ZMAT4: variants seen among roughly 807,000 people sequenced by gnomAD.
ZMAT4 encodes zinc finger matrin-type protein 4.
In ZMAT4, 17 loss-of-function variants were observed where a neutral mutation model predicts 28.7. The observed-to-expected ratio is 0.59, with a 90% CI of 0.41 to 0.89. The LOEUF (loss-of-function observed/expected upper bound fraction) is 0.89, where lower values mean the gene tolerates loss of function less well. Ranked by LOEUF, ZMAT4 falls within the 40% of genes least tolerant of loss-of-function variation. ZMAT4 has a pLI of 0.00. For missense variants in ZMAT4, 240 were observed against 283.8 expected (o/e 0.85, Z 1.11); for synonymous variants, 117 against 109.2 (o/e 1.07, Z -0.44).
intron 5 of ZMAT4, among the ~76,000 whole-genome samples, chr8:40,609,148 C>T (rs1805705205): frequency 6.6e-6 from 1 of 152,072 alleles, no homozygotes; most frequent in African/African-American, 2.4e-5. Context: ...CATACTTTAG[C>T]AAAATTCTAT....
intron 6 of ZMAT4, among the ~76,000 whole-genome samples, chr8:40,550,365 A>G (rs937412065): frequency 2.6e-5 from 4 of 152,226 alleles, no homozygotes; most frequent in African/African-American, 9.6e-5. Flanking sequence ...AGATCCTTCC[A>G]CATTTCTCTC....
chr8:40,642,667 G>A (rs931253702), intron 5 of ZMAT4, among the ~76,000 whole-genome samples: 2 of 152,202 alleles, frequency 1.3e-5, no homozygotes, highest in African/African-American at 4.8e-5. Flanking sequence ...ATCTGCTAGA[G>A]GAGGGCTATT....
At chr8:40,746,765 T>C (rs1229467282) in intron 3 of ZMAT4, among the ~76,000 whole-genome samples, 1 of 152,216 alleles carries the variant, frequency 6.6e-6, no homozygotes, top group Non-Finnish European at 1.5e-5. Context: ...TCCTACCATA[T>C]TGGTCATGCT....
chr8:40,612,343 C>A (rs1322450949), intron 5 of ZMAT4, among the ~76,000 whole-genome samples: 1 of 137,580 alleles, frequency 7.3e-6, no homozygotes, highest in East Asian at 1.9e-4. Flanking sequence ...GCAGGAAATG[C>A]AGGTTCTATG....
At chr8:40,579,514 C>T (rs867451363) in intron 6 of ZMAT4, among the ~76,000 whole-genome samples, 18 of 152,190 alleles carry the variant, frequency 1.2e-4, no homozygotes, top group Admixed American at 3.3e-4. Context: ...GTCCTCTGGG[C>T]GGACCAGAGT....
At chr8:40,618,963 C>A (rs371006752) in intron 5 of ZMAT4, among the ~76,000 whole-genome samples, 1 of 152,124 alleles carries the variant, frequency 6.6e-6, no homozygotes, top group Non-Finnish European at 1.5e-5. Flanking sequence ...GTTTGCAGTC[C>A]ATGAATAAAG....
chr8:40,861,630 G>C lies in ZMAT4; in HGVS notation c.-4-35950C>G, dbSNP rs541872303. 4.9e-4 allele frequency among the ~76,000 whole-genome samples: 75 copies of C among 152,250 alleles called. 1 individual carries two copies. The highest frequency in any genetic ancestry group is 1.8e-3 in the African/African-American group (74 of 41,542). ...AAGAAACTACCATCAGAGTGAACAG[G>C]CAGCCTACAGAATGGGAGAAAGTTT... On this transcript the variant is annotated intron_variant, in intron 1 of 6. Transcript: ENST00000297737.
chr8:40,539,092 C>T (rs1236053062), intron 6 of ZMAT4, among the ~76,000 whole-genome samples: 2 of 152,134 alleles, frequency 1.3e-5, no homozygotes, highest in Non-Finnish European at 2.9e-5. Context: ...CCTTTTATTG[C>T]ATTTTTCTAA....
chr8:40,631,502 A>T (rs1398381498), intron 5 of ZMAT4, among the ~76,000 whole-genome samples: 1 of 100,016 alleles, frequency 1.0e-5, no homozygotes, highest in Non-Finnish European at 2.5e-5. Context: ...GTAGACACTA[A>T]GGCTTAGAAA....
Position 40,639,670 on chromosome 8 carries a change from G to A in ZMAT4, c.577+35034C>T, listed in dbSNP as rs370102653. ...CACACTCAAGAACACGCACAATGAA[G>A]TTACAGAGAACCTGTATCTGAGTTC... On this transcript the variant is annotated intron_variant, in intron 5 of 6. Transcript: ENST00000297737. Among the ~76,000 whole-genome samples the A allele has an allele frequency of 8.2e-5, 12 of 146,916 alleles. 1 individual carries two copies. Among genetic ancestry groups the A allele is most frequent in the African/African-American group, 3.0e-4 (12 of 39,624 alleles).
intron 3 of ZMAT4, among the ~76,000 whole-genome samples, chr8:40,704,318 G>A (rs1270795002): frequency 6.6e-6 from 1 of 152,180 alleles, no homozygotes; most frequent in African/African-American, 2.4e-5. Flanking sequence ...CCTGGGTAAC[G>A]TTATCTCCCA....
intron 6 of ZMAT4, among the ~76,000 whole-genome samples, chr8:40,557,843 A>C (rs1457823094): frequency 6.6e-6 from 1 of 152,200 alleles, no homozygotes; most frequent in African/African-American, 2.4e-5. Flanking sequence ...TAGATGATAG[A>C]TGGATAGATG....
intron 5 of ZMAT4, among the ~76,000 whole-genome samples, chr8:40,671,237 A>C (rs1808653131): frequency 6.6e-6 from 1 of 152,188 alleles, no homozygotes; most frequent in African/African-American, 2.4e-5. Context: ...TGAAGTGCAA[A>C]GTAACGCAAC....
intron 3 of ZMAT4, among the ~76,000 whole-genome samples, chr8:40,719,367 T>C (rs1285543233): frequency 6.6e-6 from 1 of 152,026 alleles, no homozygotes; most frequent in Non-Finnish European, 1.5e-5. Flanking sequence ...GCTTGAACCT[T>C]GGGGTCGGAG....
At chr8:40,817,013 A>G (rs1272716507) in intron 2 of ZMAT4, among the ~76,000 whole-genome samples, 1 of 152,220 alleles carries the variant, frequency 6.6e-6, no homozygotes, top group African/African-American at 2.4e-5. Context: ...GCAAAAATCA[A>G]ATGAAGGGCA....
chr8:40,717,811 G>C (rs1174483328), intron 3 of ZMAT4, among the ~76,000 whole-genome samples: 1 of 152,100 alleles, frequency 6.6e-6, no homozygotes, highest in African/African-American at 2.4e-5. Context: ...AAGTTATGGT[G>C]ACTCTGGATG....
At chr8:40,845,457 C>A (rs1038350970) in intron 1 of ZMAT4, among the ~76,000 whole-genome samples, 3 of 152,148 alleles carry the variant, frequency 2.0e-5, no homozygotes, top group African/African-American at 7.2e-5. Flanking sequence ...CTCTCCCAGA[C>A]ACCGTGTGCC....
intron 3 of ZMAT4, among the ~76,000 whole-genome samples, chr8:40,765,412 A>G (rs1813112464): frequency 6.6e-6 from 1 of 152,314 alleles, no homozygotes; most frequent in African/African-American, 2.4e-5. Flanking sequence ...GTGTAACAAA[A>G]GCATCAACTA....
chr8:40,776,248 T>G (rs1328331199), intron 2 of ZMAT4, among the ~76,000 whole-genome samples: 2 of 152,234 alleles, frequency 1.3e-5, no homozygotes, highest in Non-Finnish European at 2.9e-5. Context: ...ACTTCGTTTC[T>G]TCCAAAATAT....
Sources: allele counts gnomAD v4.1 joint callset (sites outside exome capture counted in the v4.1 genomes callset), GRCh38; gene constraint gnomAD v4.1.1; transcripts MANE v1.5; gene names NCBI Gene and HGNC (gene_info 2026-07-23, HGNC 2026-07-21).